Variants in DNAAF4 observed in about 807,000 individuals in gnomAD.
DNAAF4 encodes the protein dynein axonemal assembly factor 4.
A neutral mutation model predicts 51.8 loss-of-function variants in DNAAF4; 43 were observed. That is an observed-to-expected ratio of 0.83 (90% CI 0.65 to 1.07). DNAAF4 has a LOEUF of 1.07. Among genes scored for constraint, DNAAF4 ranks in the 50% least tolerant of loss-of-function variants. The pLI is 0.00. For synonymous variants in DNAAF4, 194 were observed against 165.6 expected (o/e 1.17, Z -1.32); for missense variants, 581 against 493.0 (o/e 1.18, Z -1.69).
chr15:55,476,739 G>A (rs747991391), intron 4 of DNAAF4, among the ~76,000 whole-genome samples: 11 of 152,088 alleles, frequency 7.2e-5, no homozygotes, highest in Non-Finnish European at 1.6e-4. Flanking sequence ...CTTACATGAA[G>A]TAAAATAAGT....
intron 8 of DNAAF4, among the ~76,000 whole-genome samples, chr15:55,433,977 A>ATT (rs796739609): frequency 1.6e-4 from 4 of 25,456 alleles, no homozygotes; most frequent in African/African-American, 8.9e-4. Flanking sequence ...TATTTTATAT[A>ATT]TTATATATAA....
intron 9 of DNAAF4, among the ~76,000 whole-genome samples, chr15:55,432,125 T>C (rs1218963901): frequency 6.6e-6 from 1 of 151,942 alleles, no homozygotes; most frequent in Non-Finnish European, 1.5e-5. Flanking sequence ...CAAGCTAATT[T>C]TGTGTTTTTA....
At chr15:55,440,857 A>T (rs2057699529) in intron 6 of DNAAF4, among the ~76,000 whole-genome samples, 1 of 147,272 alleles carries the variant, frequency 6.8e-6, no homozygotes, top group Non-Finnish European at 1.5e-5. Context: ...AATTTTTTGT[A>T]TTTTTAGTAG....
chr15:55,419,158 C>T (rs980521876), intron 7 of DNAAF4, among the ~76,000 whole-genome samples: 1 of 152,082 alleles, frequency 6.6e-6, no homozygotes, highest in Non-Finnish European at 1.5e-5. Context: ...CCTGGTGATC[C>T]GCCTGCCTCG....
chr15:55,457,862 C>T (rs2058042578), intron 5 of DNAAF4, among the ~76,000 whole-genome samples: 1 of 152,210 alleles, frequency 6.6e-6, no homozygotes, highest in Non-Finnish European at 1.5e-5. Flanking sequence ...CTGTGGATCA[C>T]ATCACAGGGC....
intron 4 of DNAAF4, among the ~76,000 whole-genome samples, chr15:55,473,404 A>T (rs2058295253): frequency 6.7e-6 from 1 of 148,938 alleles, no homozygotes; most frequent in Non-Finnish European, 1.5e-5. Flanking sequence ...ACCTAGAAAA[A>T]TATTAAAATT....
chr15:55,500,292 TA>T (rs2058689071), intron 1 of DNAAF4, among the ~76,000 whole-genome samples: 1 of 152,198 alleles, frequency 6.6e-6, no homozygotes, highest in Admixed American at 6.5e-5. Flanking sequence ...TAACTTTGAA[TA>T]CTGGGAGTCA....
downstream of DNAAF4, among the ~76,000 whole-genome samples, chr15:55,425,829 G>A (rs1328672576): frequency 6.6e-6 from 1 of 152,126 alleles, no homozygotes; most frequent in Non-Finnish European, 1.5e-5. Flanking sequence ...ATGTATGGAA[G>A]GCCACTGATT....
At chr15:55,424,184 G>A (rs566386752) in intron 7 of DNAAF4, among the ~76,000 whole-genome samples, 1 of 152,258 alleles carries the variant, frequency 6.6e-6, no homozygotes, top group South Asian at 2.1e-4. Context: ...GCAGGACTGG[G>A]TTTAGTTATA....
At chr15:55,464,098 A>T (rs554100659) in intron 5 of DNAAF4, among the ~76,000 whole-genome samples, 6 of 152,368 alleles carry the variant, frequency 3.9e-5, no homozygotes, top group African/African-American at 1.4e-4. Context: ...TAGTACTGGT[A>T]TAAAAACAGG....
chr15:55,435,969 C>T (rs1482358527), intron 7 of DNAAF4, among the ~76,000 whole-genome samples: 2 of 152,076 alleles, frequency 1.3e-5, no homozygotes, highest in Non-Finnish European at 2.9e-5. Context: ...TGTATTTTTA[C>T]TAGAGATGGG....
chr15:55,451,619 C>CTTTTT (rs34676492), intron 5 of DNAAF4, among the ~76,000 whole-genome samples: 1 of 146,794 alleles, frequency 6.8e-6, no homozygotes, highest in Non-Finnish European at 1.5e-5. Context: ...TGAATAATAT[C>CTTTTT]TTTTTTTTTT....
At chr15:55,435,170 T>C in intron 7 of DNAAF4, 112 bp from the exon 8 acceptor site, 3 of 1,190,380 alleles carry the variant, frequency 2.5e-6, no homozygotes, top group South Asian at 3.2e-5. Flanking sequence ...TTGCATTCTC[T>C]TTAGGGTAAA....
downstream of DNAAF4, among the ~76,000 whole-genome samples, chr15:55,429,348 T>C (rs1001821377): frequency 1.3e-5 from 2 of 151,504 alleles, no homozygotes; most frequent in Admixed American, 1.3e-4. Context: ...GATGAAACCC[T>C]GTCTTTACTA....
rs3049057 is a variant in DNAAF4, at chr15:55,498,593, G to GAAAAAAAAAAAAAAAAAAAAAA, written c.-255-10_-255-9insTTTTTTTTTTTTTTTTTTTTTT. On this transcript the variant is annotated splice_polypyrimidine_tract_variant and intron_variant, in intron 1 of 9. Coordinates refer to ENST00000321149, the MANE Select transcript of DNAAF4 (RefSeq NM_130810.4). The stretch of plus-strand genomic sequence containing the variant: ...AAGTAGACCCATACCCTCTGCTTGA[G>GAAAAAAAAAAAAAAAAAAAAAA]AAAAAAAAAAAAAAAAAAAAGCACT... 2.5e-4 allele frequency: 19 copies of GAAAAAAAAAAAAAAAAAAAAAA among 74,628 alleles called. 3 individuals carry two copies. The highest frequency in any genetic ancestry group is 1.1e-3 in the African/African-American group (19 of 17,200). The allele number at this position is 74,628 out of a possible 1,614,324, so 4.6% of individuals were successfully genotyped here.
intron 4 of DNAAF4, among the ~76,000 whole-genome samples, chr15:55,468,243 T>C (rs901202106): frequency 2.0e-5 from 3 of 152,196 alleles, no homozygotes; most frequent in African/African-American, 7.2e-5. Context: ...AGATTTAACA[T>C]TACGAGTATG....
chr15:55,425,116 C>G (rs536623427), intron 7 of DNAAF4, among the ~76,000 whole-genome samples: 1 of 152,186 alleles, frequency 6.6e-6, no homozygotes, highest in African/African-American at 2.4e-5. Context: ...CCGCCCACCT[C>G]GGCCTCCCAA....
At position 55,473,273 on chromosome 15, in the gene DNAAF4, GTATATATATGTGTA is replaced by G. The variant is rs1567023457; in HGVS notation, c.406-6126_406-6113del. Among the ~76,000 whole-genome samples the G allele has an allele frequency of 2.5e-4, 8 of 32,592 alleles. No homozygotes were observed. In the East Asian group the frequency reaches 9.7e-3, roughly 39 times the overall value. 21.4% of individuals were successfully genotyped at this position (32,592 alleles called of 152,430 possible). A position where few individuals can be genotyped will look rare whatever the true frequency, so the allele number is the denominator to read the frequency against. ...TGTGTATATATATGTGTATATATGT[GTATATATATGTGTA>G]TATATATGTGTATATATATGTGTGT... is the stretch of plus-strand genomic sequence containing the variant. On this transcript the variant is annotated intron_variant, in intron 4 of 9. Transcript: ENST00000321149.
At chr15:55,433,708 T>C (rs146771071) in intron 8 of DNAAF4, among the ~76,000 whole-genome samples, 6,106 of 131,902 alleles carry the variant, frequency 0.046, 213 homozygotes, top group East Asian at 0.14. Context: ...AATATAAATA[T>C]ATTATATATA....
Sources: allele counts gnomAD v4.1 joint callset (sites outside exome capture counted in the v4.1 genomes callset), GRCh38; gene constraint gnomAD v4.1.1; transcripts MANE v1.5; gene names NCBI Gene and HGNC (gene_info 2026-07-23, HGNC 2026-07-21).